The following SZT2 variants were observed in gnomAD, a reference collection of about 807,000 sequenced individuals.
The protein encoded by SZT2 is SZT2 subunit of KICSTOR complex.
Under a neutral mutation model 404.2 loss-of-function variants are expected in SZT2, and 216 were observed. The ratio of observed to expected loss-of-function variants is 0.53; its 90% CI spans 0.48 to 0.60. SZT2 has a LOEUF of 0.60. Among genes scored for constraint, SZT2 ranks in the 20% least tolerant of loss-of-function variants. The probability of loss-of-function intolerance (pLI) is 0.00; values close to 1 mark genes in which losing one functional copy is unlikely to be tolerated. For missense variants in SZT2, 3,857 were observed against 4,459.2 expected (o/e 0.86, Z 3.85); for synonymous variants, 1,693 against 1,749.9 (o/e 0.97, Z 0.81).
chr1:43,437,433 A>T lies in SZT2; in HGVS notation c.6215A>T (p.Asn2072Ile). 6.2e-7 allele frequency: 1 copy of T among 1,614,044 alleles called. No homozygotes were observed. The highest frequency in any genetic ancestry group is 8.5e-7 in the Non-Finnish European group (1 of 1,179,986). Residue 2072 changes from asparagine to isoleucine, a missense_variant, in exon 44 of 72, where the codon AAT (asparagine) becomes ATT (isoleucine). Transcript: ENST00000634258. The surrounding 1 kb of genome is among the most constrained non-coding windows in gnomAD (Gnocchi z 5.3). ...RAIQALRSVL[N>I]AFSVVNRKNM... ...ATCCAGGCCCTGCGCTCTGTGCTCA[A>T]TGCCTTCTCTGTGGTGAACCGGAAA...
chr1:43,453,939 A>T lies in SZT2; in HGVS notation c.*3459A>T. 8.3e-7 allele frequency: 1 copy of T among 1,202,882 alleles called. No homozygotes were observed. The highest frequency in any genetic ancestry group is 4.1e-5 in the South Asian group (1 of 24,288). The allele number at this position is 1,202,882 out of a possible 1,614,324, so 74.5% of individuals were successfully genotyped here. Reference sequence around the variant, plus strand: ...GTGGTTAGAAAAGCGAAGTGCTGTAAAAACCCGGGCCTTCACGAAAAGCGC... The same window carrying T: ...GTGGTTAGAAAAGCGAAGTGCTGTATAAACCCGGGCCTTCACGAAAAGCGC... On this transcript the variant is annotated 3_prime_UTR_variant, in exon 72 of 72. Coordinates refer to ENST00000634258, the MANE Select transcript of SZT2 (RefSeq NM_001365999.1).
rs1376659589 is a variant in SZT2 at position 43,453,379 on chromosome 1, G to T, written c.*2899G>T. On this transcript the variant is annotated 3_prime_UTR_variant, in exon 72 of 72. Coordinates refer to ENST00000634258, the MANE Select transcript of SZT2 (RefSeq NM_001365999.1). ...CACAGGGGTGGGGGTGGGGTGGAGCGGGGTACCTGGGACAGCCCAGGGCTT... is the reference window on the plus strand; with the variant it reads ...CACAGGGGTGGGGGTGGGGTGGAGCTGGGTACCTGGGACAGCCCAGGGCTT... 3 of 1,535,778 alleles carry T rather than the reference G, an allele frequency of 2.0e-6. No individual in the cohort carries two copies. The highest frequency in any genetic ancestry group is 2.6e-6 in the Non-Finnish European group (3 of 1,134,156).
At chr1:43,398,679 T>G (rs188711954) in intron 1 of SZT2, among the ~76,000 whole-genome samples, 1 of 152,264 alleles carries the variant, frequency 6.6e-6, no homozygotes, top group African/African-American at 2.4e-5. Flanking sequence ...AATAGACCCC[T>G]TTTCTGTTTT....
rs370108761 is a variant in SZT2, at chr1:43,450,184, G to T, written c.10155+13G>T. 7 of 1,614,066 alleles carry T rather than the reference G, an allele frequency of 4.3e-6. No individual in the cohort carries two copies. In the East Asian group the frequency reaches 1.1e-4, roughly 26 times the overall value. On this transcript the variant is annotated intron_variant, in intron 71 of 71. Transcript: ENST00000634258. The surrounding 1 kb of genome is among the most constrained non-coding windows in gnomAD (Gnocchi z 4.3). ...CTTAGGAAAGACGGTAAGAACGAGT[G>T]GGGGGCTTTGTGTCAGCCTCATGGG...
rs757319924 is a variant in SZT2 at position 43,437,565 on chromosome 1, C to T, written c.6291-30C>T. On this transcript the variant is annotated intron_variant, in intron 44 of 71. Transcript: ENST00000634258. The surrounding 1 kb of genome is among the most constrained non-coding windows in gnomAD (Gnocchi z 5.3). The stretch of plus-strand genomic sequence containing the variant: ...GAATTAAGGATGGCCTGGGAGGAGG[C>T]ATGTCCAAAGACATGCTGCTCTTTC... The T allele has an allele frequency of 6.2e-7, 1 of 1,614,020 alleles. No homozygotes were observed. Among genetic ancestry groups the T allele is most frequent in the Non-Finnish European group, 8.5e-7 (1 of 1,179,942 alleles).
In SZT2 at chr1:43,454,076, C is replaced by T. The variant is rs1390783463; in HGVS notation, c.*3596C>T. ...AAGGTAGGGAGGCCGAGCTCCAGGGCCTGAGAGCCGGACGCGAAGCAAGAG... is the reference window on the plus strand; with the variant it reads ...AAGGTAGGGAGGCCGAGCTCCAGGGTCTGAGAGCCGGACGCGAAGCAAGAG... On this transcript the variant is annotated 3_prime_UTR_variant, in exon 72 of 72. Transcript: ENST00000634258. 1.2e-5 allele frequency: 13 copies of T among 1,116,520 alleles called. No individual in the cohort carries two copies. In the African/African-American group the frequency reaches 1.3e-4, roughly 11 times the overall value. 69.2% of individuals were successfully genotyped at this position (1,116,520 alleles called of 1,614,324 possible). A position where few individuals can be genotyped will look rare whatever the true frequency, so the allele number is the denominator to read the frequency against.
Position 43,448,639 on chromosome 1 carries a change from T to G in SZT2, c.9997T>G (p.Trp3333Gly). The G allele has an allele frequency of 1.2e-6, 2 of 1,614,206 alleles. No homozygotes were observed. The highest frequency in any genetic ancestry group is 2.2e-5 in the South Asian group (2 of 91,090). The change falls in exon 70 of 72, where the codon TGG becomes GGG. Residue 3333 changes from tryptophan to glycine, a missense_variant. Transcript: ENST00000634258. This position sits in a 1 kb window ranked among gnomAD's most constrained non-coding sequence, Gnocchi z 4.2. The stretch of plus-strand genomic sequence containing the variant: ...CTGCTTCCTATCCATGACGGTCTCC[T>G]GGTACCAGAGCCTGATCAAAGTTCT... Reference protein sequence around the residue: ...LDCFLSMTVSWYQSLIKVLLS... With the variant: ...LDCFLSMTVSGYQSLIKVLLS...
At chr1:43,393,041 G>C (rs1378412640) in intron 1 of SZT2, among the ~76,000 whole-genome samples, 1 of 152,250 alleles carries the variant, frequency 6.6e-6, no homozygotes, top group African/African-American at 2.4e-5. Context: ...GAGTGAATTA[G>C]GGTGTTTAAC....
intron 41 of SZT2, among the ~76,000 whole-genome samples, chr1:43,434,941 A>G (rs920724438): frequency 6.6e-6 from 1 of 152,358 alleles, no homozygotes; most frequent in Middle Eastern, 3.4e-3. Flanking sequence ...TATCAGGGAA[A>G]GCTTCTTAGA....
rs1303202043 is a variant in SZT2 at position 43,422,575 on chromosome 1, G to A, written c.1865G>A (p.Arg622Gln). 2 of 1,598,078 alleles carry A rather than the reference G, an allele frequency of 1.3e-6. No individual in the cohort carries two copies. The highest frequency in any genetic ancestry group is 2.2e-5 in the East Asian group (1 of 44,860). Residue 622 changes from arginine to glutamine, a missense_variant, in exon 13 of 72, where the codon CGG becomes CAG. Transcript: ENST00000634258. ...ISHSSLTSLL[R>Q]DWSSFVLVEG... ...CACTCCTCCCTGACCTCTCTGCTGCGGGACTGGAGCAGCTTCGTACTAGTC... is the reference window on the plus strand; with the variant it reads ...CACTCCTCCCTGACCTCTCTGCTGCAGGACTGGAGCAGCTTCGTACTAGTC...
Position 43,454,057 on chromosome 1 carries a change from G to C in SZT2, c.*3577G>C. The C allele has an allele frequency of 8.8e-7, 1 of 1,134,234 alleles. No individual in the cohort carries two copies. The highest frequency in any genetic ancestry group is 1.1e-6 in the Non-Finnish European group (1 of 926,412). 70.3% of individuals were successfully genotyped at this position (1,134,234 alleles called of 1,614,324 possible). On this transcript the variant is annotated 3_prime_UTR_variant, in exon 72 of 72. Transcript: ENST00000634258. The stretch of plus-strand genomic sequence containing the variant: ...GCAGGACCCGCGCCTGGAGAAGGTA[G>C]GGAGGCCGAGCTCCAGGGCCTGAGA...
chr1:43,453,308 A>G lies in SZT2; in HGVS notation c.*2828A>G. 2.2e-6 allele frequency: 2 copies of G among 915,522 alleles called. No homozygotes were observed. The highest frequency in any genetic ancestry group is 2.8e-5 in the East Asian group (1 of 36,328). 56.7% of individuals were successfully genotyped at this position (915,522 alleles called of 1,614,324 possible). ...GTGGGCTCAGACTTCTGAGCGTCTC[A>G]GATCTGGCGTCCTCGACTCCCTGAA... On this transcript the variant is annotated 3_prime_UTR_variant, in exon 72 of 72. Transcript: ENST00000634258.
At chr1:43,422,028 T>A in intron 11 of SZT2, 55 bp from the exon 12 acceptor site, 1 of 1,539,648 alleles carries the variant, frequency 6.5e-7, no homozygotes, top group Non-Finnish European at 8.8e-7. Context: ...CTCTTTGGAG[T>A]TTGTACCCTG....
rs987402034 is a variant in SZT2 at position 43,432,762 on chromosome 1, C to T, written c.5565C>T (p.Leu1855=). 5 of 1,613,932 alleles carry T rather than the reference C, an allele frequency of 3.1e-6. No individual in the cohort carries two copies. Among genetic ancestry groups the T allele is most frequent in the South Asian group, 2.2e-5 (2 of 91,052 alleles). ...SQPGPSRGLS[L]MSSQGSVDSD... is the part of the protein sequence containing the mutation. Reference sequence around the variant, plus strand: ...CTGGGCCCAGCCGGGGATTAAGTCTCATGTCCAGTCAGGGCAGTGTGGACT... The same window carrying T: ...CTGGGCCCAGCCGGGGATTAAGTCTTATGTCCAGTCAGGGCAGTGTGGACT... The change falls in exon 39 of 72, where the codon CTC becomes CTT. Residue 1855 remains leucine, a synonymous_variant. Coordinates refer to ENST00000634258, the MANE Select transcript of SZT2 (RefSeq NM_001365999.1).
At chr1:43,435,459 C>T in intron 42 of SZT2, 130 bp downstream of exon 42, 1 of 1,046,264 alleles carries the variant, frequency 9.6e-7, no homozygotes, top group Non-Finnish European at 1.4e-6. Flanking sequence ...AGAGAGAGAG[C>T]AAGGAGGATA....
chr1:43,454,220 C>A lies in SZT2; in HGVS notation c.*3740C>A. On this transcript the variant is annotated 3_prime_UTR_variant, in exon 72 of 72. Transcript: ENST00000634258. ...AAGCAACATTTGAAAGCTGTATGACCAAATAAAGAAGCACTTTTATACCGC... is the reference window on the plus strand; with the variant it reads ...AAGCAACATTTGAAAGCTGTATGACAAAATAAAGAAGCACTTTTATACCGC... 5.2e-6 allele frequency: 1 copy of A among 193,460 alleles called. No individual in the cohort carries two copies. The highest frequency in any genetic ancestry group is 9.6e-6 in the Non-Finnish European group (1 of 104,442). 12.0% of individuals were successfully genotyped at this position (193,460 alleles called of 1,614,324 possible).
chr1:43,439,743 G>T lies in SZT2; in HGVS notation c.7016G>T (p.Cys2339Phe). 1 of 1,604,126 alleles carries T rather than the reference G, an allele frequency of 6.2e-7. No homozygotes were observed. Among genetic ancestry groups the T allele is most frequent in the Non-Finnish European group, 8.5e-7 (1 of 1,174,186 alleles). The change falls in exon 50 of 72, where the codon TGC becomes TTC. Residue 2339 changes from cysteine to phenylalanine, a missense_variant. Coordinates refer to ENST00000634258, the MANE Select transcript of SZT2 (RefSeq NM_001365999.1). The surrounding 1 kb of genome is among the most constrained non-coding windows in gnomAD (Gnocchi z 4.2). ...EFEQLTQVIR[C>F]PVVVDSSSAQ... ...GAGCAACTGACCCAGGTCATCCGCT[G>T]CCCGGTTGTTGTGGACAGTTCTTCA...
At chr1:43,447,488 G>A (rs889761131) in intron 66 of SZT2, 57 bp from the exon 67 acceptor site, 1 of 1,584,244 alleles carries the variant, frequency 6.3e-7, no homozygotes, top group African/African-American at 1.3e-5. Flanking sequence ...TGCCCCACCA[G>A]ACCAGTGTGT....
intron 14 of SZT2, 71 bp from the exon 15 acceptor site, chr1:43,423,028 T>G (rs1652603918): frequency 6.6e-7 from 1 of 1,517,594 alleles, no homozygotes; most frequent in East Asian, 2.4e-5. Flanking sequence ...TGTCTCACTT[T>G]GTCTGTGAGC....
Sources: gnomAD v4.1 joint callset for allele counts (sites outside exome capture counted in the v4.1 genomes callset) on GRCh38, gnomAD v4.1.1 for gene constraint, Gnocchi (gnomAD v3.1) non-coding constraint, MANE v1.5 for transcripts, NCBI Gene and HGNC (gene_info 2026-07-23, HGNC 2026-07-21) for gene names.